The following NRG2 variants were observed in gnomAD, a reference collection of about 807,000 sequenced individuals.
NRG2 encodes the protein neuregulin 2, also known as pro-neuregulin-2, membrane-bound isoform.
Under a neutral mutation model 73.9 loss-of-function variants are expected in NRG2, and 27 were observed. That is an observed-to-expected ratio of 0.37 (90% CI 0.27 to 0.50). The LOEUF is 0.50. Ranked by LOEUF, NRG2 falls within the 20% of genes least tolerant of loss-of-function variation. NRG2 has a pLI of 0.96. For missense variants in NRG2, 1,126 were observed against 1,210.1 expected (o/e 0.93, Z 1.03); for synonymous variants, 532 against 541.0 (o/e 0.98, Z 0.23).
At chr5:139,920,109 G>T (rs1040704082) in intron 1 of NRG2, among the ~76,000 whole-genome samples, 5 of 152,188 alleles carry the variant, frequency 3.3e-5, no homozygotes, top group Non-Finnish European at 7.3e-5. Flanking sequence ...AGGTAAAGAC[G>T]TATAGACTAT....
chr5:139,969,034 A>G (rs989706752), intron 1 of NRG2, among the ~76,000 whole-genome samples: 5 of 152,246 alleles, frequency 3.3e-5, no homozygotes, highest in African/African-American at 1.2e-4. Flanking sequence ...GCTTGCAATC[A>G]GCCCAGCCGC....
At chr5:139,857,365 G>T (rs1761871785) in intron 5 of NRG2, among the ~76,000 whole-genome samples, 1 of 152,162 alleles carries the variant, frequency 6.6e-6, no homozygotes, top group South Asian at 2.1e-4. Context: ...GCTCCCTGAA[G>T]TATGATCGTG....
In NRG2 at chr5:139,915,724, G is replaced by C. The variant is rs1751199790; in HGVS notation, c.701-28213C>G. Among the ~76,000 whole-genome samples, 1 of 152,218 alleles carries C rather than the reference G, an allele frequency of 6.6e-6. No homozygotes were observed. ...AGCTTAAAAGATTATGAAAGGCTGT[G>C]TGGTAAATTCTAGACGATCAGCTAG... On this transcript the variant is annotated intron_variant, in intron 1 of 9. Transcript: ENST00000361474. The surrounding 1 kb of genome is among the most constrained non-coding windows in gnomAD (Gnocchi z 4.0).
chr5:139,984,368 C>T (rs1487320834), intron 1 of NRG2, among the ~76,000 whole-genome samples: 3 of 151,964 alleles, frequency 2.0e-5, no homozygotes, highest in African/African-American at 7.2e-5. Flanking sequence ...GGTCACTATA[C>T]AATAGTAGGT....
chr5:139,904,428 CT>C lies in NRG2; in HGVS notation c.701-16918del. The stretch of plus-strand genomic sequence containing the variant: ...ACGGGGTCCCAGGCGGTGGGACGGC[CT>C]CAGCTCTCCGCTGCCGCGCTGCGCC... On this transcript the variant is annotated intron_variant, in intron 1 of 9. Coordinates refer to ENST00000361474, the MANE Select transcript of NRG2 (RefSeq NM_004883.3). This position sits in a 1 kb window ranked among gnomAD's most constrained non-coding sequence, Gnocchi z 6.0. The C allele has an allele frequency of 7.4e-7, 1 of 1,344,842 alleles. No individual in the cohort carries two copies. Among genetic ancestry groups the C allele is most frequent in the Non-Finnish European group, 1.0e-6 (1 of 965,526 alleles). 83.3% of individuals were successfully genotyped at this position (1,344,842 alleles called of 1,614,324 possible).
In NRG2 at chr5:139,848,033, A is replaced by G; in HGVS notation, c.2437T>C (p.Cys813Arg). 6.6e-7 allele frequency: 1 copy of G among 1,509,258 alleles called. No individual in the cohort carries two copies. Among genetic ancestry groups the G allele is most frequent in the Non-Finnish European group, 8.8e-7 (1 of 1,134,328 alleles). The allele number at this position is 1,509,258 out of a possible 1,614,324, so 93.5% of individuals were successfully genotyped here. A position where few individuals can be genotyped will look rare whatever the true frequency, so the allele number is the denominator to read the frequency against. The stretch of plus-strand genomic sequence containing the variant: ...TAAGTCCTGCTGTCGGCCGCCGGGC[A>G]CAGTGGCGGCGAGTCCGAGCGCAGC... ...DALRSDSPPL[C>R]PAADSRTYYS... Residue 813 changes from cysteine (C) to arginine (R), a missense_variant, in exon 10 of 10, where the codon TGC becomes CGC. This residue lies in a region of NRG2 where 402 missense variants were observed against 357.8 expected (regional missense o/e 1.12). Transcript: ENST00000361474.
At chr5:139,910,613 A>G (rs1765511205) in intron 1 of NRG2, among the ~76,000 whole-genome samples, 1 of 152,242 alleles carries the variant, frequency 6.6e-6, no homozygotes, top group South Asian at 2.1e-4. Flanking sequence ...AAAAGGGCCC[A>G]GTCTTAGGCA....
At chr5:139,991,273 C>T (rs896381045) in intron 1 of NRG2, among the ~76,000 whole-genome samples, 1 of 151,200 alleles carries the variant, frequency 6.6e-6, no homozygotes, top group Non-Finnish European at 1.5e-5. Context: ...AAGACTCCAT[C>T]TCAAAAAAAA....
At chr5:139,936,024 A>C (rs951262558) in intron 1 of NRG2, among the ~76,000 whole-genome samples, 5 of 151,908 alleles carry the variant, frequency 3.3e-5, no homozygotes, top group African/African-American at 1.2e-4. Context: ...TGTGGCATGC[A>C]GCTTAAGCAT....
intron 1 of NRG2, among the ~76,000 whole-genome samples, chr5:139,938,339 C>T (rs1015795659): frequency 2.6e-5 from 4 of 151,554 alleles, no homozygotes; most frequent in Admixed American, 6.6e-5. Flanking sequence ...AAGTTGGAGA[C>T]CTTACACTAC....
At chr5:139,939,209 TTCC>T in intron 1 of NRG2, among the ~76,000 whole-genome samples, 1 of 21,674 alleles carries the variant, frequency 4.6e-5, no homozygotes, top group Admixed American at 6.4e-4. Context: ...ATTTCTTTCC[TTCC>T]TTCCTTCCTT....
rs140875642 is a variant in NRG2, at chr5:140,016,256, C to T, written c.700+26114G>A. On this transcript the variant is annotated intron_variant, in intron 1 of 9. Transcript: ENST00000361474. ...AGGGAGAGGAGTTGTAACTCTGCTA[C>T]TGTCCAATTCTATAACCTTGGGGCA... 1.3e-3 allele frequency among the ~76,000 whole-genome samples: 204 copies of T among 152,342 alleles called. 1 individual carries two copies. In the East Asian group the frequency reaches 0.021, roughly 16 times the overall value.
intron 1 of NRG2, among the ~76,000 whole-genome samples, chr5:139,955,532 AGTGG>A (rs1323611610): frequency 1.3e-5 from 2 of 152,178 alleles, no homozygotes; most frequent in Non-Finnish European, 2.9e-5. Context: ...TCCTGTAGGC[AGTGG>A]GTAATCATGG....
intron 1 of NRG2, among the ~76,000 whole-genome samples, chr5:139,979,044 C>T (rs1052760933): frequency 7.7e-6 from 1 of 129,330 alleles, no homozygotes; most frequent in African/African-American, 3.1e-5. Flanking sequence ...AATGAGAATA[C>T]AAGGACACAG....
rs1458308688 is a variant in NRG2 at position 139,851,599 on chromosome 5, C to T, written c.1772+5G>A. 2 of 1,613,692 alleles carry T rather than the reference C, an allele frequency of 1.2e-6. No individual in the cohort carries two copies. The highest frequency in any genetic ancestry group is 1.1e-5 in the South Asian group (1 of 91,052). On this transcript the variant is annotated splice_donor_5th_base_variant and intron_variant, in intron 9 of 9. Coordinates refer to ENST00000361474, the MANE Select transcript of NRG2 (RefSeq NM_004883.3). This position sits in a 1 kb window ranked among gnomAD's most constrained non-coding sequence, Gnocchi z 4.2. The stretch of plus-strand genomic sequence containing the variant: ...CGGGGAATAGGTCAGGGGGTAGGAA[C>T]TGACCTCTCGCTGTGTGGGGAGTCG...
chr5:139,936,617 GA>G (rs1472303767), intron 1 of NRG2, among the ~76,000 whole-genome samples: 1 of 152,092 alleles, frequency 6.6e-6, no homozygotes, highest in Non-Finnish European at 1.5e-5. Flanking sequence ...AACTACTGCA[GA>G]AAATAGAGGT....
chr5:139,888,513 G>C (rs755744130), intron 1 of NRG2, among the ~76,000 whole-genome samples: 1 of 152,208 alleles, frequency 6.6e-6, no homozygotes, highest in Non-Finnish European at 1.5e-5. Context: ...GTTGGAGCCA[G>C]GGAGTTGTCT....
chr5:140,031,032 C>T (rs1761103685), intron 1 of NRG2, among the ~76,000 whole-genome samples: 1 of 152,138 alleles, frequency 6.6e-6, no homozygotes, highest in South Asian at 2.1e-4. Flanking sequence ...CTAAGGGAAA[C>T]TCAGCCAGAT....
chr5:139,857,149 C>T (rs1407006402), intron 5 of NRG2, among the ~76,000 whole-genome samples: 1 of 152,194 alleles, frequency 6.6e-6, no homozygotes, highest in African/African-American at 2.4e-5. Flanking sequence ...TGGAATGGTT[C>T]TTCTCTCTGT....
Sources: allele counts gnomAD v4.1 joint callset (sites outside exome capture counted in the v4.1 genomes callset), GRCh38; gene constraint gnomAD v4.1.1; regional missense constraint gnomAD v4.1.1; non-coding constraint Gnocchi (gnomAD v3.1); transcripts MANE v1.5; gene names NCBI Gene and HGNC (gene_info 2026-07-23, HGNC 2026-07-21).